Variants in RUNX1 observed in about 807,000 individuals in gnomAD.
RUNX1 encodes the protein runt-related transcription factor 1.
In RUNX1, 19 loss-of-function variants were observed where a neutral mutation model predicts 42.8. The observed-to-expected ratio is 0.44, with a 90% CI of 0.31 to 0.65. RUNX1 has a LOEUF of 0.65. RUNX1 is among the 30% of genes least tolerant of loss of function. RUNX1 has a pLI of 0.07. For synonymous variants in RUNX1, 271 were observed against 289.4 expected (o/e 0.94, Z 0.64); for missense variants, 528 against 672.0 (o/e 0.79, Z 2.37).
At chr21:34,955,176 CTG>C (rs2058635590) in intron 2 of RUNX1, among the ~76,000 whole-genome samples, 2 of 152,058 alleles carry the variant, frequency 1.3e-5, no homozygotes, top group African/African-American at 4.8e-5. Context: ...CTGCAAATCA[CTG>C]TGTGCCCATC....
At chr21:35,011,861 G>C (rs186221662) in intron 2 of RUNX1, among the ~76,000 whole-genome samples, 4 of 152,282 alleles carry the variant, frequency 2.6e-5, no homozygotes, top group Admixed American at 2.6e-4. Flanking sequence ...TTCAAATAAA[G>C]TCTGTAGAAA....
Position 34,792,234 on chromosome 21 carries a change from G to T in RUNX1, c.1344C>A (p.Asn448Lys). Residue 448 changes from asparagine (N) to lysine (K), a missense_variant, in exon 9 of 9, where the codon AAC (asparagine) becomes AAA (lysine). Asn to Lys is a moderately conservative substitution (Grantham distance 94). This residue lies in a region of RUNX1 where 331 missense variants were observed against 382.5 expected (regional missense o/e 0.87). Coordinates refer to ENST00000675419, the MANE Select transcript of RUNX1 (RefSeq NM_001754.5). This position sits in a 1 kb window ranked among gnomAD's most constrained non-coding sequence, Gnocchi z 6.9. Reference protein sequence around the residue: ...GSALLNPSLPNQSDVVEAEGS... With the variant: ...GSALLNPSLPKQSDVVEAEGS... ...CCTCGGCCTCCACCACGTCGCTCTG[G>T]TTCGGGAGGCTGGGGTTGAGCAGCG... 2 of 1,540,986 alleles carry T rather than the reference G, an allele frequency of 1.3e-6. No homozygotes were observed. The highest frequency in any genetic ancestry group is 1.2e-5 in the South Asian group (1 of 84,364).
chr21:34,889,551 G>A lies in RUNX1; in HGVS notation c.98-2455C>T, dbSNP rs1179272053. 7.1e-6 allele frequency: 4 copies of A among 564,232 alleles called. No individual in the cohort carries two copies. In the Admixed American group the frequency reaches 2.5e-4, roughly 35 times the overall value. The allele number at this position is 564,232 out of a possible 1,614,324, so 35.0% of individuals were successfully genotyped here. ...ACGCGGCTTGCTCCCGGGCCTTGTA[G>A]CGCCGGCACCCGCAGCAGCCGGACA... On this transcript the variant is annotated intron_variant, in intron 3 of 8. Transcript: ENST00000675419.
chr21:34,881,142 T>A (rs901213546), intron 4 of RUNX1, among the ~76,000 whole-genome samples: 1 of 152,228 alleles, frequency 6.6e-6, no homozygotes, highest in East Asian at 1.9e-4. Flanking sequence ...AATACAAGCA[T>A]CTCTTCTTAA....
chr21:34,947,746 G>T (rs1328678052), intron 2 of RUNX1, among the ~76,000 whole-genome samples: 1 of 152,082 alleles, frequency 6.6e-6, no homozygotes, highest in African/African-American at 2.4e-5. Context: ...TCAGAGGTCC[G>T]CCACAGTCTG....
chr21:34,866,010 T>C (rs35068491), intron 5 of RUNX1, among the ~76,000 whole-genome samples: 24,392 of 152,154 alleles, frequency 0.16, 2,235 homozygotes, highest in Non-Finnish European at 0.22. Context: ...TCAGGTCTAG[T>C]TTGCAGGTAT....
In RUNX1 at chr21:34,901,444, C is replaced by T. The variant is rs551667480; in HGVS notation, c.59-8481G>A. Among the ~76,000 whole-genome samples, 38 of 152,132 alleles carry T rather than the reference C, an allele frequency of 2.5e-4. 1 individual carries two copies. Among genetic ancestry groups the T allele is most frequent in the Admixed American group, 2.0e-3 (31 of 15,266 alleles). On this transcript the variant is annotated intron_variant, in intron 2 of 8. Coordinates refer to ENST00000675419, the MANE Select transcript of RUNX1 (RefSeq NM_001754.5). This position sits in a 1 kb window ranked among gnomAD's most constrained non-coding sequence, Gnocchi z 4.3. ...GGGAGAATCGCTTGAACTCGGAAGGCGGAGGTTGCAGTGAGCTGAGATGGC... is the reference window on the plus strand; with the variant it reads ...GGGAGAATCGCTTGAACTCGGAAGGTGGAGGTTGCAGTGAGCTGAGATGGC...
intron 2 of RUNX1, among the ~76,000 whole-genome samples, chr21:35,015,103 G>A (rs2059150580): frequency 6.6e-6 from 1 of 152,218 alleles, no homozygotes; most frequent in Non-Finnish European, 1.5e-5. Context: ...GCGCGGAGAT[G>A]CTGAAGTCAA....
intron 6 of RUNX1, among the ~76,000 whole-genome samples, chr21:34,850,190 G>A (rs185794406): frequency 1.7e-3 from 260 of 152,308 alleles, no homozygotes; most frequent in Middle Eastern, 6.8e-3. Flanking sequence ...ACTGCCAACC[G>A]CAATCCATCT....
At chr21:34,865,279 C>CGTGTGTGCGT (rs2057642114) in intron 5 of RUNX1, among the ~76,000 whole-genome samples, 1 of 132,380 alleles carries the variant, frequency 7.6e-6, no homozygotes, top group African/African-American at 2.8e-5. Context: ...GGGTTTTGTG[C>CGTGTGTGCGT]GTGTGTGTGT....
At chr21:34,956,544 T>G (rs973155720) in intron 2 of RUNX1, among the ~76,000 whole-genome samples, 1 of 152,186 alleles carries the variant, frequency 6.6e-6, no homozygotes, top group Admixed American at 6.5e-5. Flanking sequence ...CTGGGCCATT[T>G]TGTTTACACA....
chr21:34,867,227 T>C (rs548814804), intron 5 of RUNX1, among the ~76,000 whole-genome samples: 118 of 151,492 alleles, frequency 7.8e-4, no homozygotes, highest in African/African-American at 2.7e-3. Context: ...TGAAACCCCA[T>C]TGCTACCAAA....
chr21:34,911,041 A>G lies in RUNX1; in HGVS notation c.59-18078T>C, dbSNP rs1406168275. On this transcript the variant is annotated intron_variant, in intron 2 of 8. Coordinates refer to ENST00000675419, the MANE Select transcript of RUNX1 (RefSeq NM_001754.5). ...TGCCTCAGCCTTCCAATTAGCTCAT[A>G]CTGATGTTTTATTTAAATATCGCAT... 4.6e-5 allele frequency among the ~76,000 whole-genome samples: 7 copies of G among 152,168 alleles called. No homozygotes were observed. The East Asian group carries it at 1.4e-3, about 29-fold the overall frequency.
intron 3 of RUNX1, among the ~76,000 whole-genome samples, chr21:34,890,707 CTAATTCCAGTTG>C (rs1375865803): frequency 6.6e-6 from 1 of 152,064 alleles, no homozygotes; most frequent in Non-Finnish European, 1.5e-5. Context: ...TTTTTTAAGC[CTAATTCCAGTTG>C]TAAATCCCCC....
intron 5 of RUNX1, among the ~76,000 whole-genome samples, chr21:34,862,126 G>C (rs76826924): frequency 0.021 from 3,246 of 152,204 alleles, 46 homozygotes; most frequent in Middle Eastern, 0.048. Flanking sequence ...GAGAGAGAGA[G>C]AGAGAGAGAC....
chr21:34,910,955 A>G (rs2058267601), intron 2 of RUNX1, among the ~76,000 whole-genome samples: 1 of 152,016 alleles, frequency 6.6e-6, no homozygotes, highest in Non-Finnish European at 1.5e-5. Context: ...ACATTTTTAG[A>G]CATGAGGTCT....
At chr21:35,009,047 C>T (rs1389370813) in intron 2 of RUNX1, among the ~76,000 whole-genome samples, 1 of 152,168 alleles carries the variant, frequency 6.6e-6, no homozygotes, top group Non-Finnish European at 1.5e-5. Context: ...CAGTGGTCTC[C>T]CTGTTGGCCC....
At chr21:34,851,288 AG>A (rs551641360) in intron 6 of RUNX1, among the ~76,000 whole-genome samples, 255 of 152,372 alleles carry the variant, frequency 1.7e-3, no homozygotes, top group Admixed American at 4.4e-3. Flanking sequence ...GGCACTGCCC[AG>A]GGAAGGCCTG....
At chr21:34,989,015 T>TC (rs1491284196) in intron 2 of RUNX1, among the ~76,000 whole-genome samples, 79 of 123,008 alleles carry the variant, frequency 6.4e-4, no homozygotes, top group South Asian at 1.3e-3. Context: ...TCTCTCTCTC[T>TC]TTTTTTTTTT....
Sources: allele counts gnomAD v4.1 joint callset (sites outside exome capture counted in the v4.1 genomes callset), GRCh38; gene constraint gnomAD v4.1.1; regional missense constraint gnomAD v4.1.1; non-coding constraint Gnocchi (gnomAD v3.1); transcripts MANE v1.5; gene names NCBI Gene and HGNC (gene_info 2026-07-23, HGNC 2026-07-21).